PTCHD1: variants seen among roughly 807,000 people sequenced by gnomAD.
The protein encoded by PTCHD1 is patched domain-containing protein 1.
PTCHD1 carries 3 observed loss-of-function variants against 34.6 expected under a neutral mutation model. The observed-to-expected ratio is 0.09, with a 90% CI of 0.04 to 0.22. The LOEUF (loss-of-function observed/expected upper bound fraction) is 0.22, where lower values mean the gene tolerates loss of function less well. Ranked by LOEUF, PTCHD1 falls within the 10% of genes least tolerant of loss-of-function variation. The pLI is 1.00. For synonymous variants in PTCHD1, 305 were observed against 283.1 expected (o/e 1.08, Z -0.77); for missense variants, 504 against 685.5 (o/e 0.74, Z 2.96).
At chrX:23,354,247 C>G (rs561882966) in intron 1 of PTCHD1, among the ~76,000 whole-genome samples, 1 of 110,581 alleles carries the variant, frequency 9.0e-6, no homozygotes, top group Admixed American at 9.7e-5. Context: ...AAAATTAGAG[C>G]GGTAGCCCTT....
At chrX:23,362,009 G>A (rs974043497) in intron 1 of PTCHD1, among the ~76,000 whole-genome samples, 6 of 112,419 alleles carry the variant, frequency 5.3e-5, no homozygotes, top group East Asian at 2.8e-4. Context: ...GAGTTTCTGC[G>A]GAGAGATCCG....
intron 2 of PTCHD1, among the ~76,000 whole-genome samples, chrX:23,387,992 T>A (rs1044000002): frequency 1.3e-4 from 14 of 111,584 alleles, no homozygotes; most frequent in African/African-American, 4.6e-4. Context: ...CCTGGGATGT[T>A]GTATCATCCA....
chrX:23,399,900 C>A lies in PTCHD1; in HGVS notation c.*5715C>A, dbSNP rs1450482168. 1 of 111,566 alleles carries A rather than the reference C, an allele frequency of 9.0e-6. No homozygotes were observed. Among genetic ancestry groups the A allele is most frequent in the Non-Finnish European group, 1.9e-5 (1 of 53,129 alleles). The allele number at this position is 111,566 out of a possible 1,213,427, so 9.2% of individuals were successfully genotyped here. On this transcript the variant is annotated 3_prime_UTR_variant, in exon 3 of 3. Coordinates refer to ENST00000379361, the MANE Select transcript of PTCHD1 (RefSeq NM_173495.3). ...CCACACACACATACACACATAAAGG[C>A]AGCAGCCAACAAAGCCAACATATAG...
chrX:23,368,957 G>A (rs970562630), intron 1 of PTCHD1, among the ~76,000 whole-genome samples: 8 of 110,865 alleles, frequency 7.2e-5, no homozygotes, highest in Non-Finnish European at 1.5e-4. Context: ...CCAGCTACTC[G>A]GGAGGCTGAA....
rs149370892 is a variant in PTCHD1, at chrX:23,394,811, G to A, written c.*626G>A. 2.7e-3 allele frequency: 300 copies of A among 112,966 alleles called. No homozygotes were observed. The highest frequency in any genetic ancestry group is 9.3e-3 in the Middle Eastern group (2 of 216). The allele number at this position is 112,966 out of a possible 1,213,427, so 9.3% of individuals were successfully genotyped here. A position where few individuals can be genotyped will look rare whatever the true frequency, so the allele number is the denominator to read the frequency against. On this transcript the variant is annotated 3_prime_UTR_variant, in exon 3 of 3. Transcript: ENST00000379361. Reference sequence around the variant, plus strand: ...ACTCATGGACTAAAATTGATTCACCGCTAAATTTACCCAGGTGAAGCAGTT... The same window carrying A: ...ACTCATGGACTAAAATTGATTCACCACTAAATTTACCCAGGTGAAGCAGTT...
At chrX:23,373,050 T>G (rs1347454247) in intron 1 of PTCHD1, among the ~76,000 whole-genome samples, 2 of 112,452 alleles carry the variant, frequency 1.8e-5, no homozygotes, top group Non-Finnish European at 3.8e-5. Context: ...GACTGTCTTA[T>G]CCATACCAGT....
intron 1 of PTCHD1, among the ~76,000 whole-genome samples, chrX:23,365,735 C>G (rs1475011091): frequency 8.9e-6 from 1 of 111,808 alleles, no homozygotes. Flanking sequence ...GCCTGCCAAG[C>G]AGATGGTGAA....
Position 23,380,252 on chromosome X carries a change from G to T in PTCHD1, c.1012+1G>T. On this transcript the variant is annotated splice_donor_variant, in intron 2 of 2. Transcript: ENST00000379361. LOFTEE classifies it high-confidence loss of function. ...CTGGGAGTCCCTTTCGTCATGCTAG[G>T]TAATTACTACTCTTCTTTCTTCTGT... 1 of 1,204,948 alleles carries T rather than the reference G, an allele frequency of 8.3e-7. No individual in the cohort carries two copies.
At chrX:23,360,588 T>C (rs1350147958) in intron 1 of PTCHD1, among the ~76,000 whole-genome samples, 1 of 111,819 alleles carries the variant, frequency 8.9e-6, no homozygotes, top group Non-Finnish European at 1.9e-5. Flanking sequence ...GTTGATCTTT[T>C]CAAAAAACCA....
At chrX:23,345,529 T>C (rs1003325630) in intron 1 of PTCHD1, among the ~76,000 whole-genome samples, 2 of 112,296 alleles carry the variant, frequency 1.8e-5, no homozygotes, top group Non-Finnish European at 3.8e-5. Context: ...GCTAAAGTAG[T>C]GGCTCTCCAA....
At chrX:23,334,796 C>G, upstream of PTCHD1, 3 of 505,148 alleles carry the variant, frequency 5.9e-6, no homozygotes, top group Non-Finnish European at 7.3e-6. Flanking sequence ...CTGCCGCCGC[C>G]GCCGCCGCCG....
chrX:23,388,097 G>A (rs760072926), intron 2 of PTCHD1, among the ~76,000 whole-genome samples: 1 of 110,819 alleles, frequency 9.0e-6, no homozygotes, highest in South Asian at 3.9e-4. Context: ...CTCAGGCTGC[G>A]ACCTGGCCCT....
At chrX:23,339,678 G>T (rs5926291) in intron 1 of PTCHD1, among the ~76,000 whole-genome samples, 30,851 of 111,056 alleles carry the variant, frequency 0.28, 3,500 homozygotes, top group African/African-American at 0.43. Context: ...CTCAACACTT[G>T]CAATCACTAT....
chrX:23,369,505 AAATTTGT>A (rs2146633719), intron 1 of PTCHD1, among the ~76,000 whole-genome samples: 1 of 111,376 alleles, frequency 9.0e-6, no homozygotes, highest in East Asian at 2.8e-4. Context: ...TCCACTTACT[AAATTTGT>A]GGCCATGGAC....
intron 1 of PTCHD1, 35 bp downstream of exon 1, chrX:23,335,261 C>T (rs954278356): frequency 9.0e-7 from 1 of 1,111,423 alleles, no homozygotes; most frequent in African/African-American, 1.8e-5. Flanking sequence ...ACTCCGCCAG[C>T]GCCGCGGCCG....
intron 1 of PTCHD1, among the ~76,000 whole-genome samples, chrX:23,377,615 TGTG>T (rs2146640222): frequency 9.2e-6 from 1 of 108,780 alleles, no homozygotes; most frequent in African/African-American, 3.4e-5. Context: ...TGTGTGTGTG[TGTG>T]TTTACATATT....
At chrX:23,368,140 A>G (rs1421598252) in intron 1 of PTCHD1, among the ~76,000 whole-genome samples, 2 of 111,298 alleles carry the variant, frequency 1.8e-5, no homozygotes, top group African/African-American at 6.6e-5. Flanking sequence ...AAAAAAAAAA[A>G]ACTTTTCAAA....
Position 23,393,669 on chromosome X carries a change from G to A in PTCHD1, c.2151G>A (p.Leu717=). The change falls in exon 3 of 3, where the codon CTG becomes CTA. Residue 717 remains leucine, a synonymous_variant. Transcript: ENST00000379361. ...ALFLLFFSAF[L]VADSLINVWI... Reference sequence around the variant, plus strand: ...TCCTGCTCTTCTTCTCGGCATTCCTGGTGGCAGATTCACTGATTAACGTCT... The same window carrying A: ...TCCTGCTCTTCTTCTCGGCATTCCTAGTGGCAGATTCACTGATTAACGTCT... The A allele has an allele frequency of 8.3e-7, 1 of 1,211,814 alleles. No individual in the cohort carries two copies. Among genetic ancestry groups the A allele is most frequent in the African/African-American group, 1.7e-5 (1 of 57,806 alleles).
chrX:23,335,922 T>C (rs2146605067), intron 1 of PTCHD1, among the ~76,000 whole-genome samples: 1 of 111,897 alleles, frequency 8.9e-6, no homozygotes, highest in Admixed American at 9.4e-5. Context: ...TCACAGTAGC[T>C]CCTCAAGAAA....
Sources: gnomAD v4.1 joint callset for allele counts (sites outside exome capture counted in the v4.1 genomes callset) on GRCh38, gnomAD v4.1.1 for gene constraint, MANE v1.5 for transcripts, NCBI Gene and HGNC (gene_info 2026-07-23, HGNC 2026-07-21) for gene names.